SHISA5: variants seen among roughly 807,000 people sequenced by gnomAD.
SHISA5 encodes shisa family member 5, also known as protein shisa-5.
Under a neutral mutation model 27.5 loss-of-function variants are expected in SHISA5, and 21 were observed. The observed-to-expected ratio is 0.76, with a 90% CI of 0.54 to 1.10. The LOEUF (loss-of-function observed/expected upper bound fraction) is 1.10, where lower values mean the gene tolerates loss of function less well. Among genes scored for constraint, SHISA5 ranks in the 50% least tolerant of loss-of-function variants. The pLI is 0.00. For missense variants in SHISA5, 314 were observed against 336.3 expected, an observed-to-expected ratio of 0.93 and a Z score of 0.52; for synonymous variants, 137 against 142.2, an observed-to-expected ratio of 0.96 and a Z score of 0.26.
At chr3:48,478,442 G>A (rs2040892839) in intron 3 of SHISA5, among the ~76,000 whole-genome samples, 1 of 152,104 alleles carries the variant, frequency 6.6e-6, no homozygotes. Flanking sequence ...TTTTCTTTAA[G>A]CGGCTTCTAG....
intron 2 of SHISA5, among the ~76,000 whole-genome samples, chr3:48,480,904 G>A (rs1352039521): frequency 2.0e-5 from 3 of 152,032 alleles, no homozygotes; most frequent in Non-Finnish European, 4.4e-5. Context: ...AGACCAGCCT[G>A]GCCAATATGG....
At chr3:48,496,765 C>T (rs1025031906) in intron 2 of SHISA5, among the ~76,000 whole-genome samples, 4 of 149,854 alleles carry the variant, frequency 2.7e-5, no homozygotes, top group African/African-American at 9.8e-5. Flanking sequence ...TTAAACTACA[C>T]TATTTATAAT....
chr3:48,479,070 C>T, intron 3 of SHISA5, 107 bp downstream of exon 3: 1 of 999,766 alleles, frequency 1.0e-6, no homozygotes, highest in Admixed American at 2.1e-5. Context: ...TCTTGGGCTC[C>T]ACCCCAATGA....
chr3:48,468,727 G>A lies in SHISA5; in HGVS notation c.*380C>T. 1 of 1,321,854 alleles carries A rather than the reference G, an allele frequency of 7.6e-7. No individual in the cohort carries two copies. Among genetic ancestry groups the A allele is most frequent in the Non-Finnish European group, 9.9e-7 (1 of 1,012,112 alleles). The allele number at this position is 1,321,854 out of a possible 1,614,324, so 81.9% of individuals were successfully genotyped here. ...AAGCTGCGCCACCCTGGTGTGACAG[G>A]CCCTACTTGGTCACCCTAGGGTAAG... is the stretch of plus-strand genomic sequence containing the variant. On this transcript the variant is annotated 3_prime_UTR_variant, in exon 6 of 6. Transcript: ENST00000296444.
intron 2 of SHISA5, among the ~76,000 whole-genome samples, chr3:48,497,262 G>GTTTTTTTT (rs771239815): frequency 8.6e-6 from 1 of 116,584 alleles, no homozygotes; most frequent in Non-Finnish European, 1.7e-5. Context: ...TCCAGAACAA[G>GTTTTTTTT]TTTTTTTTTT....
intron 2 of SHISA5, among the ~76,000 whole-genome samples, chr3:48,491,802 C>A (rs529189440): frequency 2.0e-5 from 3 of 152,034 alleles, no homozygotes; most frequent in African/African-American, 7.2e-5. Context: ...CGCGCACCAT[C>A]ATGCCTGGGG....
At chr3:48,479,671 C>T in intron 2 of SHISA5, 1 of 163,998 alleles carries the variant, frequency 6.1e-6, no homozygotes, top group Non-Finnish European at 1.3e-5. Flanking sequence ...TGGCTCACTG[C>T]AACCTCCGCC....
rs1337022383 is a variant in SHISA5 at position 48,473,516 on chromosome 3, C to T, written c.315-3673G>A. On this transcript the variant is annotated intron_variant, in intron 3 of 5. Coordinates refer to ENST00000296444, the MANE Select transcript of SHISA5 (RefSeq NM_016479.6). The surrounding 1 kb of genome is among the most constrained non-coding windows in gnomAD (Gnocchi z 4.3). ...CGACCCTGGGGCCCTGGCTGACACA[C>T]ATGCAAGGAGCAAAGTCCAGCCTGT... The T allele has an allele frequency of 7.8e-7, 1 of 1,289,620 alleles. No homozygotes were observed. The highest frequency in any genetic ancestry group is 2.3e-5 in the Admixed American group (1 of 43,472). 79.9% of individuals were successfully genotyped at this position (1,289,620 alleles called of 1,614,324 possible). A position where few individuals can be genotyped will look rare whatever the true frequency, so the allele number is the denominator to read the frequency against.
At position 48,473,418 on chromosome 3, in the gene SHISA5, C is replaced by T. The variant is rs2040714895; in HGVS notation, c.315-3575G>A. 7.6e-7 allele frequency: 1 copy of T among 1,309,670 alleles called. No individual in the cohort carries two copies. The highest frequency in any genetic ancestry group is 1.0e-6 in the Non-Finnish European group (1 of 1,002,448). 81.1% of individuals were successfully genotyped at this position (1,309,670 alleles called of 1,614,324 possible). On this transcript the variant is annotated intron_variant, in intron 3 of 5. Transcript: ENST00000296444. This position sits in a 1 kb window ranked among gnomAD's most constrained non-coding sequence, Gnocchi z 4.3. ...TAGCTCAGCAGCACCCCCACCCCCA[C>T]TTCCACCTAACCCACCGGCCCTGTT...
intron 2 of SHISA5, among the ~76,000 whole-genome samples, chr3:48,482,233 A>G (rs1472114092): frequency 6.6e-6 from 1 of 152,106 alleles, no homozygotes; most frequent in East Asian, 1.9e-4. Context: ...GACTTCTGAC[A>G]AGACTAACCA....
intron 2 of SHISA5, among the ~76,000 whole-genome samples, chr3:48,492,465 G>T (rs1190052798): frequency 6.8e-6 from 1 of 147,876 alleles, no homozygotes; most frequent in Non-Finnish European, 1.5e-5. Flanking sequence ...GCGAGACTCC[G>T]TCTCATAAGA....
rs2040497143 is a variant in SHISA5, at chr3:48,469,255, A to G, written c.644-69T>C. The G allele has an allele frequency of 6.3e-7, 1 of 1,588,090 alleles. No individual in the cohort carries two copies. Among genetic ancestry groups the G allele is most frequent in the African/African-American group, 1.3e-5 (1 of 74,662 alleles). On this transcript the variant is annotated intron_variant, in intron 5 of 5. Coordinates refer to ENST00000296444, the MANE Select transcript of SHISA5 (RefSeq NM_016479.6). The surrounding 1 kb of genome is among the most constrained non-coding windows in gnomAD (Gnocchi z 4.6). Reference sequence around the variant, plus strand: ...TGCCGTGTGAGTGGCAGGCAAGCAGAAAGGGGCAGAGGCCTGTTGAGTGAT... The same window carrying G: ...TGCCGTGTGAGTGGCAGGCAAGCAGGAAGGGGCAGAGGCCTGTTGAGTGAT...
intron 2 of SHISA5, among the ~76,000 whole-genome samples, chr3:48,487,260 A>C (rs1408688418): frequency 6.6e-6 from 1 of 152,156 alleles, no homozygotes. Context: ...TGGTCTTCCA[A>C]TTCATGAGCC....
intron 1 of SHISA5, 67 bp from the exon 2 acceptor site, chr3:48,501,360 C>T (rs1457861474): frequency 6.4e-7 from 1 of 1,552,192 alleles, no homozygotes; most frequent in African/African-American, 1.4e-5. Flanking sequence ...ACAGCGCCCT[C>T]CCTGGCACAG....
chr3:48,484,474 T>C (rs1343425238), intron 2 of SHISA5, among the ~76,000 whole-genome samples: 3 of 152,026 alleles, frequency 2.0e-5, no homozygotes, highest in Non-Finnish European at 4.4e-5. Flanking sequence ...CACCTGCCTG[T>C]AATTCCAGCT....
At chr3:48,481,076 C>A (rs1272823730) in intron 2 of SHISA5, among the ~76,000 whole-genome samples, 1 of 151,906 alleles carries the variant, frequency 6.6e-6, no homozygotes, top group Non-Finnish European at 1.5e-5. Flanking sequence ...GCCTGGGCGA[C>A]AAGAGCGAGA....
In SHISA5 at chr3:48,469,128, A is replaced by T; in HGVS notation, c.702T>A (p.Asp234Glu). 6.2e-7 allele frequency: 1 copy of T among 1,613,140 alleles called. No individual in the cohort carries two copies. The highest frequency in any genetic ancestry group is 8.5e-7 in the Non-Finnish European group (1 of 1,180,008). ...ATGCTCAGAGGGCCGCCTTCGGGGCATCCATGTAGGCCGGGTTGTAAGGAG... is the reference window on the plus strand; with the variant it reads ...ATGCTCAGAGGGCCGCCTTCGGGGCTTCCATGTAGGCCGGGTTGTAAGGAG... Reference protein sequence around the residue: ...SQPPYNPAYMDAPKAAL With the variant: ...SQPPYNPAYMEAPKAAL Residue 234 changes from aspartate to glutamate, a missense_variant, in exon 6 of 6, where the codon GAT becomes GAA. Physicochemically the swap from Asp to Glu is conservative, Grantham distance 45. Transcript: ENST00000296444. The surrounding 1 kb of genome is among the most constrained non-coding windows in gnomAD (Gnocchi z 4.6).
intron 2 of SHISA5, among the ~76,000 whole-genome samples, chr3:48,493,964 T>C (rs1362425346): frequency 6.8e-6 from 1 of 147,774 alleles, no homozygotes; most frequent in Non-Finnish European, 1.5e-5. Context: ...TACCTTTTTT[T>C]GTGGTGAGAA....
chr3:48,469,835 G>A lies in SHISA5; in HGVS notation c.323C>T (p.Ala108Val), dbSNP rs770659092. The A allele has an allele frequency of 5.6e-6, 9 of 1,613,368 alleles. No homozygotes were observed. Among genetic ancestry groups the A allele is most frequent in the East Asian group, 2.2e-5 (1 of 44,856 alleles). ...GYNDPMSGFG[A>V]TLAVGLTIFV... The stretch of plus-strand genomic sequence containing the variant: ...GATGGTCAGGCCAACGGCCAAGGTC[G>A]CTCCGAACCTGCCAAAGAGCTAGAC... Residue 108 changes from alanine (A) to valine (V), a missense_variant, in exon 4 of 6, where the codon GCG (alanine) becomes GTG (valine). Physicochemically the swap from Ala to Val is moderately conservative, Grantham distance 64 (BLOSUM62 0). Transcript: ENST00000296444. The surrounding 1 kb of genome is among the most constrained non-coding windows in gnomAD (Gnocchi z 4.6).
Sources: allele counts gnomAD v4.1 joint callset (sites outside exome capture counted in the v4.1 genomes callset), GRCh38; gene constraint gnomAD v4.1.1; non-coding constraint Gnocchi (gnomAD v3.1); transcripts MANE v1.5; gene names NCBI Gene and HGNC (gene_info 2026-07-23, HGNC 2026-07-21).